The following ABCD3 variants were observed in gnomAD, a reference collection of about 807,000 sequenced individuals.
The protein encoded by ABCD3 is ATP-binding cassette sub-family D member 3.
ABCD3 carries 41 observed loss-of-function variants against 105.5 expected under a neutral mutation model. That is an observed-to-expected ratio of 0.39 (90% confidence interval 0.30 to 0.50). The LOEUF is 0.50. Among genes scored for constraint, ABCD3 ranks in the 20% least tolerant of loss-of-function variants. ABCD3 has a pLI of 0.84. For missense variants in ABCD3, 622 were observed against 806.3 expected, an observed-to-expected ratio of 0.77 and a Z score of 2.77; for synonymous variants, 258 against 269.0, an observed-to-expected ratio of 0.96 and a Z score of 0.40.
At chr1:94,491,685 C>A (rs534490377) in intron 16 of ABCD3, among the ~76,000 whole-genome samples, 2 of 151,972 alleles carry the variant, frequency 1.3e-5, no homozygotes, top group Non-Finnish European at 2.9e-5. Context: ...CGCACAGTAG[C>A]GCTACAAATA....
intron 1 of ABCD3, among the ~76,000 whole-genome samples, chr1:94,431,535 A>G (rs1290115421): frequency 6.6e-6 from 1 of 152,184 alleles, no homozygotes; most frequent in Non-Finnish European, 1.5e-5. Flanking sequence ...ACCAACAAAC[A>G]TTCCCTGATA....
chr1:94,458,339 T>G (rs1647690838), intron 1 of ABCD3, among the ~76,000 whole-genome samples: 1 of 152,208 alleles, frequency 6.6e-6, no homozygotes, highest in Non-Finnish European at 1.5e-5. Flanking sequence ...ATGTTTGTAT[T>G]TATACACACA....
the ABCD3 span, among the ~76,000 whole-genome samples, chr1:94,412,398 T>C: frequency 6.6e-6 from 1 of 152,240 alleles, no homozygotes; most frequent in Non-Finnish European, 1.5e-5. Flanking sequence ...GGTGATAAAC[T>C]TTGCATATTC....
intron 1 of ABCD3, among the ~76,000 whole-genome samples, chr1:94,437,537 A>G (rs12142995): frequency 0.26 from 39,247 of 152,124 alleles, 5,688 homozygotes; most frequent in Admixed American, 0.34. Context: ...TCCTTTCAAA[A>G]TGTTACTGCT....
Position 94,487,538 on chromosome 1 carries a change from C to G in ABCD3, c.898-4C>G. On this transcript the variant is annotated splice_region_variant and splice_polypyrimidine_tract_variant and intron_variant, in intron 10 of 22. Coordinates refer to ENST00000370214, the MANE Select transcript of ABCD3 (RefSeq NM_002858.4). Reference sequence around the variant, plus strand: ...GATGGTTTTTTGTTTTTGTTTTCTGCCAGGTGGAACACCTACATAATTTCA... The same window carrying G: ...GATGGTTTTTTGTTTTTGTTTTCTGGCAGGTGGAACACCTACATAATTTCA... 6.2e-7 allele frequency: 1 copy of G among 1,612,972 alleles called. No homozygotes were observed. The highest frequency in any genetic ancestry group is 8.5e-7 in the Non-Finnish European group (1 of 1,179,550).
chr1:94,428,280 A>G (rs1291014949), intron 1 of ABCD3, among the ~76,000 whole-genome samples: 2 of 152,164 alleles, frequency 1.3e-5, no homozygotes, highest in Non-Finnish European at 2.9e-5. Context: ...TCTCACCACT[A>G]TAATGGTACT....
chr1:94,431,332 T>G (rs1659673923), intron 1 of ABCD3, among the ~76,000 whole-genome samples: 1 of 152,128 alleles, frequency 6.6e-6, no homozygotes, highest in South Asian at 2.1e-4. Flanking sequence ...AATCAACTAC[T>G]CAAAAACAAA....
At chr1:94,512,128 T>C (rs1221958718) in intron 21 of ABCD3, among the ~76,000 whole-genome samples, 1 of 152,116 alleles carries the variant, frequency 6.6e-6, no homozygotes, top group Non-Finnish European at 1.5e-5. Context: ...TGGTTTTATC[T>C]ACTTTTGGTC....
At chr1:94,435,405 G>A (rs1170517936) in intron 1 of ABCD3, among the ~76,000 whole-genome samples, 1 of 152,124 alleles carries the variant, frequency 6.6e-6, no homozygotes, top group Non-Finnish European at 1.5e-5. Flanking sequence ...GGGAGGTGTG[G>A]TGGTACATGC....
rs763513777 is a variant in ABCD3, at chr1:94,418,586, C to T, written c.108C>T (p.His36=). ...LHKRRRALGL[H]GKKSGKPPLQ... is the part of the protein sequence containing the mutation. ...AGCGGCGCCGCGCCCTCGGCCTGCA[C>T]GGGTAAGAAGGCCCGTAGCCGTGCA... Residue 36 remains histidine (H), a splice_region_variant and synonymous_variant, in exon 1 of 23, where the codon CAC becomes CAT. Transcript: ENST00000370214. 6 of 1,595,252 alleles carry T rather than the reference C, an allele frequency of 3.8e-6. 1 individual carries two copies. The South Asian group carries it at 6.7e-5, about 18-fold the overall frequency.
intron 9 of ABCD3, chr1:94,482,805 G>A: frequency 4.5e-6 from 1 of 224,656 alleles, no homozygotes; most frequent in Non-Finnish European, 8.9e-6. Flanking sequence ...TCTTGTTTGG[G>A]CCTGTACTTT....
chr1:94,433,981 T>C (rs940014237), intron 1 of ABCD3, among the ~76,000 whole-genome samples: 1 of 152,032 alleles, frequency 6.6e-6, no homozygotes, highest in African/African-American at 2.4e-5. Context: ...AAAGGTTCAG[T>C]TAAAATATGG....
At chr1:94,448,722 A>T (rs987260572) in intron 1 of ABCD3, among the ~76,000 whole-genome samples, 1 of 152,178 alleles carries the variant, frequency 6.6e-6, no homozygotes, top group African/African-American at 2.4e-5. Flanking sequence ...TCCAGCTTCT[A>T]TTAAAACAGA....
chr1:94,464,949 A>C (rs1648068082), intron 3 of ABCD3, 76 bp downstream of exon 3: 1 of 1,239,526 alleles, frequency 8.1e-7, no homozygotes, highest in Admixed American at 1.8e-5. Flanking sequence ...GGTAATTTAT[A>C]AAGAAAAGAG....
upstream of ABCD3, among the ~76,000 whole-genome samples, chr1:94,416,423 A>C (rs996045533): frequency 6.6e-6 from 1 of 152,016 alleles, no homozygotes; most frequent in African/African-American, 2.4e-5. Context: ...TTTTTTTTAC[A>C]CGTTTTTCTT....
chr1:94,419,293 T>C (rs2100861261), intron 1 of ABCD3: 1 of 985,366 alleles, frequency 1.0e-6, no homozygotes, highest in South Asian at 4.7e-5. Context: ...CTTCCTGGGC[T>C]CTGTAGGTGA....
intron 3 of ABCD3, among the ~76,000 whole-genome samples, 181 bp from the exon 4 acceptor site, chr1:94,467,738 A>G (rs1451635050): frequency 2.0e-5 from 3 of 152,190 alleles, no homozygotes; most frequent in Non-Finnish European, 2.9e-5. Flanking sequence ...TTTCATTTAT[A>G]TAATATTCTT....
At chr1:94,505,556 G>A (rs1237319382) in intron 20 of ABCD3, among the ~76,000 whole-genome samples, 2 of 151,908 alleles carry the variant, frequency 1.3e-5, no homozygotes, top group South Asian at 2.1e-4. Flanking sequence ...ATGAGTGAGA[G>A]ATGCATATTG....
the ABCD3 span, among the ~76,000 whole-genome samples, chr1:94,393,871 C>T: frequency 4.6e-4 from 70 of 152,264 alleles, no homozygotes; most frequent in African/African-American, 1.6e-3. Flanking sequence ...GCCCATGTGG[C>T]AGGGAAATTT....
Sources: gnomAD v4.1 joint callset for allele counts (sites outside exome capture counted in the v4.1 genomes callset) on GRCh38, gnomAD v4.1.1 for gene constraint, MANE v1.5 for transcripts, NCBI Gene and HGNC (gene_info 2026-07-23, HGNC 2026-07-21) for gene names.